The following NOS2 variants were observed in gnomAD, a reference collection of about 807,000 sequenced individuals.
NOS2 encodes nitric oxide synthase, inducible.
In NOS2, 96 loss-of-function variants were observed where a neutral mutation model predicts 136.0. The ratio of observed to expected loss-of-function variants is 0.71; its 90% CI spans 0.60 to 0.84. NOS2 has a LOEUF of 0.84. Ranked by LOEUF, NOS2 falls within the 40% of genes least tolerant of loss-of-function variation. The pLI, the probability that NOS2 is intolerant of heterozygous loss-of-function variation, is 0.00. For missense variants in NOS2, 1,237 were observed against 1,496.9 expected (o/e 0.83, Z 2.87); for synonymous variants, 539 against 587.5 (o/e 0.92, Z 1.20).
intron 5 of NOS2, among the ~76,000 whole-genome samples, chr17:27,784,133 A>AAC (rs3838880): frequency 0.17 from 24,811 of 146,998 alleles, 2,089 homozygotes; most frequent in Non-Finnish European, 0.17. Context: ...AAGGCTTTGA[A>AAC]ACACACACAC....
Position 27,757,355 on chromosome 17 carries a change from T to G in NOS2, c.3355-2A>C. 1 of 1,613,762 alleles carries G rather than the reference T, an allele frequency of 6.2e-7. No individual in the cohort carries two copies. The highest frequency in any genetic ancestry group is 8.5e-7 in the Non-Finnish European group (1 of 1,179,810). On this transcript the variant is annotated splice_acceptor_variant, in intron 26 of 26. Transcript: ENST00000313735. LOFTEE classifies it high-confidence loss of function. ...ATCTTCGTGATAGCGCTTCTGGCTC[T>G]TTTAGGTAAAAACAGAGAGCAACGT...
intron 25 of NOS2, 23 bp from the exon 26 acceptor site, chr17:27,759,098 G>T: frequency 1.9e-6 from 3 of 1,544,114 alleles, no homozygotes; most frequent in Middle Eastern, 4.2e-4. Context: ...GAAACAGTGG[G>T]TTCAGTCCTC....
chr17:27,786,427 A>G (rs1909028072), intron 5 of NOS2, among the ~76,000 whole-genome samples: 1 of 152,212 alleles, frequency 6.6e-6, no homozygotes, highest in Non-Finnish European at 1.5e-5. Context: ...ACTCCATCTC[A>G]AAAAACAAAA....
chr17:27,768,879 C>T (rs1908396101), intron 17 of NOS2, 98 bp downstream of exon 17: 9 of 1,317,292 alleles, frequency 6.8e-6, no homozygotes, highest in Non-Finnish European at 9.1e-6. Flanking sequence ...GGACCACAGG[C>T]AGAGGTCATG....
intron 11 of NOS2, among the ~76,000 whole-genome samples, chr17:27,775,217 T>C (rs2151329484): frequency 6.6e-6 from 1 of 152,340 alleles, no homozygotes; most frequent in Admixed American, 6.5e-5. Flanking sequence ...CCTAGCACTT[T>C]GGGAGGCCGA....
intron 20 of NOS2, among the ~76,000 whole-genome samples, chr17:27,765,028 G>A (rs1467469446): frequency 6.6e-6 from 1 of 152,200 alleles, no homozygotes; most frequent in Non-Finnish European, 1.5e-5. Flanking sequence ...ACCCAGGCTG[G>A]AGTGTAGTGG....
intron 20 of NOS2, among the ~76,000 whole-genome samples, chr17:27,765,082 G>C (rs575495706): frequency 1.3e-5 from 2 of 152,194 alleles, no homozygotes; most frequent in African/African-American, 4.8e-5. Flanking sequence ...GGCTTCAAGC[G>C]ATTCTTGTGC....
chr17:27,783,015 T>C lies in NOS2; in HGVS notation c.559A>G (p.Ile187Val), dbSNP rs200394633. 3.9e-5 allele frequency: 63 copies of C among 1,614,074 alleles called. No homozygotes were observed. Among genetic ancestry groups the C allele is most frequent in the East Asian group, 1.3e-4 (6 of 44,880 alleles). The change falls in exon 6 of 27, where the codon ATC (isoleucine) becomes GTC (valine). Residue 187 changes from isoleucine (I) to valine (V), a missense_variant. By Grantham distance (29) the Ile-to-Val change is conservative (BLOSUM62 3). This residue lies in a region of NOS2 where 440 missense variants were observed against 545.4 expected (regional missense o/e 0.81). Transcript: ENST00000313735. ...GTYQLTGDEL[I>V]FATKQAWRNA... ...CGCCAGGCCTGCTTGGTGGCGAAGA[T>C]GAGCTCATCTCCCGTCAGTTGGTAG...
rs750610707 is a variant in NOS2 at position 27,759,015 on chromosome 17, T to C, written c.3220A>G (p.Lys1074Glu). 5.0e-6 allele frequency: 8 copies of C among 1,611,640 alleles called. No homozygotes were observed. Among genetic ancestry groups the C allele is most frequent in the East Asian group, 4.5e-5 (2 of 44,706 alleles). The change falls in exon 26 of 27, where the codon AAG (lysine) becomes GAG (glutamate). Residue 1074 changes from lysine (K) to glutamate (E), a missense_variant. Transcript: ENST00000313735. ...CAAACATAGAGGTGGCCTGGCTCCT[T>C]GTGGAGCACACGGAGCACCTCGCTG... ...LASEVLRVLH[K>E]EPGHLYVCGD...
At chr17:27,766,638 G>C in intron 18 of NOS2, 50 bp from the exon 19 acceptor site, 2 of 1,450,596 alleles carry the variant, frequency 1.4e-6, no homozygotes, top group Non-Finnish European at 1.9e-6. Context: ...CTTGAGCGTA[G>C]GTAGGGGAAG....
chr17:27,780,068 T>C (rs1457930166), intron 9 of NOS2, among the ~76,000 whole-genome samples: 2 of 152,158 alleles, frequency 1.3e-5, no homozygotes, highest in African/African-American at 2.4e-5. Flanking sequence ...CAAGATGATG[T>C]GTTAGACTGA....
intron 5 of NOS2, 42 bp from the exon 6 acceptor site, chr17:27,783,148 G>A: frequency 3.8e-6 from 6 of 1,599,224 alleles, no homozygotes; most frequent in South Asian, 1.1e-5. Flanking sequence ...CAATGAGATG[G>A]CCTTACATGG....
Position 27,769,096 on chromosome 17 carries a change from G to A in NOS2, c.1915C>T (p.His639Tyr). Residue 639 changes from histidine (H) to tyrosine (Y), a missense_variant, in exon 17 of 27, where the codon CAT becomes TAT. His to Tyr is a moderately conservative substitution (Grantham distance 83, BLOSUM62 2). Around this residue, in one of 3 missense-constraint regions of NOS2, gnomAD observed 782 missense variants for 909.9 expected, o/e 0.86. Coordinates refer to ENST00000313735, the MANE Select transcript of NOS2 (RefSeq NM_000625.4). ...SMYPRFCAFA[H>Y]DIDQKLSHLG... ...TGGGACAGCTTCTGATCAATGTCAT[G>A]AGCAAAGGCGCAGAACCGAGGGTAC... 2 of 1,612,964 alleles carry A rather than the reference G, an allele frequency of 1.2e-6. No homozygotes were observed. The highest frequency in any genetic ancestry group is 1.7e-6 in the Non-Finnish European group (2 of 1,179,812).
intron 11 of NOS2, among the ~76,000 whole-genome samples, chr17:27,774,969 C>G (rs1908615750): frequency 6.6e-6 from 1 of 152,230 alleles, no homozygotes; most frequent in South Asian, 2.1e-4. Context: ...CACTCACAGT[C>G]TGAAATTACG....
At chr17:27,782,898 C>A (rs764387596) in intron 6 of NOS2, 46 bp downstream of exon 6, 2 of 1,598,370 alleles carry the variant, frequency 1.3e-6, no homozygotes, top group South Asian at 2.2e-5. Flanking sequence ...CTGCTCAGGG[C>A]CTGGCCGCCT....
intron 1 of NOS2, among the ~76,000 whole-genome samples, chr17:27,799,957 T>C (rs1363705438): frequency 6.6e-6 from 1 of 152,142 alleles, no homozygotes; most frequent in Non-Finnish European, 1.5e-5. Flanking sequence ...ATCAAGTTAT[T>C]TAACTGAAAC....
At chr17:27,783,138 CAAT>C in intron 5 of NOS2, 32 bp from the exon 6 acceptor site, 1 of 1,610,612 alleles carries the variant, frequency 6.2e-7, no homozygotes, top group Non-Finnish European at 8.5e-7. Context: ...GGAAGATCAA[CAAT>C]GAGATGGCCT....
chr17:27,781,933 C>T, intron 7 of NOS2, 82 bp downstream of exon 7: 2 of 1,218,130 alleles, frequency 1.6e-6, no homozygotes, highest in South Asian at 1.3e-5. Context: ...AGATGCCTCC[C>T]CTAGACCCAA....
chr17:27,787,930 G>T, intron 4 of NOS2, 104 bp from the exon 5 acceptor site: 1 of 1,262,058 alleles, frequency 7.9e-7, no homozygotes, highest in Non-Finnish European at 1.1e-6. Flanking sequence ...GGCTGCTCCG[G>T]CTCCCTGCAC....
Sources: gnomAD v4.1 joint callset for allele counts (sites outside exome capture counted in the v4.1 genomes callset) on GRCh38, gnomAD v4.1.1 for gene constraint, gnomAD v4.1.1 regional missense constraint, MANE v1.5 for transcripts, NCBI Gene and HGNC (gene_info 2026-07-23, HGNC 2026-07-21) for gene names.